The following PIBF1 variants were observed in gnomAD, a reference collection of about 807,000 sequenced individuals.
PIBF1 encodes the protein progesterone-induced-blocking factor 1.
In PIBF1, 90 loss-of-function variants were observed where a neutral mutation model predicts 112.5. The ratio of observed to expected loss-of-function variants is 0.80; its 90% confidence interval spans 0.67 to 0.95. The LOEUF (loss-of-function observed/expected upper bound fraction) is 0.95, where lower values mean the gene tolerates loss of function less well. Among genes scored for constraint, PIBF1 ranks in the 40% least tolerant of loss-of-function variants. The pLI, the probability that PIBF1 is intolerant of heterozygous loss-of-function variation, is 0.00. For missense variants in PIBF1, 915 were observed against 852.3 expected, an observed-to-expected ratio of 1.07 and a Z score of -0.92; for synonymous variants, 301 against 288.6, an observed-to-expected ratio of 1.04 and a Z score of -0.44.
intron 17 of PIBF1, among the ~76,000 whole-genome samples, chr13:73,001,342 T>G (rs1157083475): frequency 6.6e-6 from 1 of 152,212 alleles, no homozygotes; most frequent in African/African-American, 2.4e-5. Flanking sequence ...TAAGAGCTAA[T>G]CATTTTATAA....
At chr13:72,861,200 A>G (rs1047258153) in intron 10 of PIBF1, among the ~76,000 whole-genome samples, 4 of 152,282 alleles carry the variant, frequency 2.6e-5, no homozygotes, top group Non-Finnish European at 4.4e-5. Context: ...TGGGAGGCCA[A>G]GGTGAGAGGA....
chr13:72,803,014 C>G (rs1290678837), intron 5 of PIBF1, among the ~76,000 whole-genome samples: 8 of 152,064 alleles, frequency 5.3e-5, no homozygotes, highest in Non-Finnish European at 1.2e-4. Context: ...TAGATGAAGA[C>G]TAAGAATTGA....
intron 9 of PIBF1, among the ~76,000 whole-genome samples, chr13:72,842,450 G>A (rs535412050): frequency 1.1e-4 from 16 of 152,246 alleles, no homozygotes; most frequent in African/African-American, 3.8e-4. Flanking sequence ...TTATTTTCCT[G>A]CCGAATCAAT....
intron 14 of PIBF1, among the ~76,000 whole-genome samples, chr13:72,934,363 T>C (rs2041802241): frequency 6.6e-6 from 1 of 152,246 alleles, no homozygotes; most frequent in Non-Finnish European, 1.5e-5. Context: ...CAGTGGTGCA[T>C]TCTTGGCTCA....
chr13:72,849,450 T>C (rs1401316414), intron 9 of PIBF1, among the ~76,000 whole-genome samples: 9 of 152,226 alleles, frequency 5.9e-5, no homozygotes, highest in Admixed American at 5.9e-4. Context: ...TGTATTTCTG[T>C]TATATTTTCT....
intron 10 of PIBF1, among the ~76,000 whole-genome samples, chr13:72,863,993 G>C (rs1262501850): frequency 1.3e-5 from 2 of 152,192 alleles, no homozygotes; most frequent in Admixed American, 6.5e-5. Context: ...TAAAAAGCAT[G>C]CTGAACAGAT....
chr13:72,786,513 T>A (rs989750090), intron 2 of PIBF1, among the ~76,000 whole-genome samples: 1 of 152,222 alleles, frequency 6.6e-6, no homozygotes, highest in African/African-American at 2.4e-5. Flanking sequence ...GTTTTTGAAG[T>A]TATCTATTAC....
intron 8 of PIBF1, among the ~76,000 whole-genome samples, chr13:72,830,075 TTGTC>T (rs1230935998): frequency 2.0e-5 from 3 of 151,760 alleles, no homozygotes; most frequent in African/African-American, 7.2e-5. Flanking sequence ...ATTTGGCTCT[TTGTC>T]TGTCATTGGT....
At chr13:73,002,535 G>A (rs1309446172) in intron 17 of PIBF1, among the ~76,000 whole-genome samples, 1 of 152,038 alleles carries the variant, frequency 6.6e-6, no homozygotes, top group Non-Finnish European at 1.5e-5. Flanking sequence ...AGCAGTATGG[G>A]ACTCTTTTGC....
At chr13:72,816,020 A>G (rs2036254501) in intron 5 of PIBF1, among the ~76,000 whole-genome samples, 1 of 152,198 alleles carries the variant, frequency 6.6e-6, no homozygotes, top group Admixed American at 6.5e-5. Context: ...CAGTATTTCA[A>G]ATTTGTTACA....
At chr13:72,973,955 T>G in intron 16 of PIBF1, 1 of 406,384 alleles carries the variant, frequency 2.5e-6, no homozygotes, top group Non-Finnish European at 4.3e-6. Flanking sequence ...ACTAGACAGT[T>G]AATTTCCTTA....
chr13:72,851,143 A>C (rs1246905853), intron 9 of PIBF1, among the ~76,000 whole-genome samples: 2 of 152,164 alleles, frequency 1.3e-5, no homozygotes, highest in East Asian at 3.9e-4. Context: ...TGCATGCTCC[A>C]CTGAGCCAGC....
intron 16 of PIBF1, among the ~76,000 whole-genome samples, chr13:72,986,010 A>G (rs1274312681): frequency 6.6e-6 from 1 of 151,950 alleles, no homozygotes; most frequent in Non-Finnish European, 1.5e-5. Flanking sequence ...TTTAAAATAA[A>G]TAATTAGCTA....
chr13:72,892,812 ACACG>A (rs1304354757), intron 10 of PIBF1, among the ~76,000 whole-genome samples: 1,707 of 150,466 alleles, frequency 0.011, 12 homozygotes, highest in Non-Finnish European at 0.018. Context: ...ACACACACGC[ACACG>A]CACACACACC....
chr13:72,968,462 G>A (rs1046567291), intron 15 of PIBF1, among the ~76,000 whole-genome samples: 50 of 151,310 alleles, frequency 3.3e-4, no homozygotes, highest in South Asian at 6.3e-4. Context: ...CACCACAGCC[G>A]GCTAATTTTT....
intron 10 of PIBF1, among the ~76,000 whole-genome samples, chr13:72,871,852 C>G (rs553668951): frequency 3.9e-5 from 6 of 152,270 alleles, no homozygotes; most frequent in African/African-American, 1.4e-4. Flanking sequence ...CTACTAGCCC[C>G]TTTTTCAGAA....
At chr13:72,907,162 G>A (rs1265569273) in intron 11 of PIBF1, among the ~76,000 whole-genome samples, 1 of 152,036 alleles carries the variant, frequency 6.6e-6, no homozygotes, top group Non-Finnish European at 1.5e-5. Flanking sequence ...ACTCTCCAAA[G>A]GAATGTATAT....
At chr13:72,939,275 C>A (rs1030730184) in intron 14 of PIBF1, among the ~76,000 whole-genome samples, 2 of 152,114 alleles carry the variant, frequency 1.3e-5, no homozygotes, top group Non-Finnish European at 2.9e-5. Flanking sequence ...TTAAAGTAAA[C>A]CGTTTAATAT....
chr13:73,013,475 A>G (rs368236014), intron 17 of PIBF1, among the ~76,000 whole-genome samples: 3 of 151,824 alleles, frequency 2.0e-5, no homozygotes, highest in Non-Finnish European at 1.5e-5. Flanking sequence ...ACGAAAAACT[A>G]TACTTAGGCA....
Sources: allele counts gnomAD v4.1 joint callset (sites outside exome capture counted in the v4.1 genomes callset), GRCh38; gene constraint gnomAD v4.1.1; transcripts MANE v1.5; gene names NCBI Gene and HGNC (gene_info 2026-07-23, HGNC 2026-07-21).